The following OTOA variants were observed in gnomAD, a reference collection of about 807,000 sequenced individuals.
The protein encoded by OTOA is otoancorin.
OTOA carries 70 observed loss-of-function variants against 110.8 expected under a neutral mutation model. The observed-to-expected ratio is 0.63, with a 90% CI of 0.52 to 0.77. The LOEUF (loss-of-function observed/expected upper bound fraction) is 0.77, where lower values mean the gene tolerates loss of function less well. Ranked by LOEUF, OTOA falls within the 30% of genes least tolerant of loss-of-function variation. The pLI, the probability that OTOA is intolerant of heterozygous loss-of-function variation, is 0.00. For synonymous variants in OTOA, 373 were observed against 431.5 expected, an observed-to-expected ratio of 0.86 and a Z score of 1.68; for missense variants, 917 against 1,075.8, an observed-to-expected ratio of 0.85 and a Z score of 2.06.
intron 17 of OTOA, chr16:21,721,254 C>CACAT (rs1555500544): frequency 3.1e-5 from 14 of 448,536 alleles, no homozygotes; most frequent in South Asian, 1.4e-4. Flanking sequence ...CACACACACA[C>CACAT]ACACACACAC....
chr16:21,685,725 G>A (rs758709156), intron 7 of OTOA, among the ~76,000 whole-genome samples: 12 of 152,032 alleles, frequency 7.9e-5, no homozygotes, highest in Admixed American at 1.3e-4. Context: ...ACCATGCCTG[G>A]CTAATTTTTG....
chr16:21,696,755 G>A (rs749892236), intron 9 of OTOA, among the ~76,000 whole-genome samples: 6 of 151,790 alleles, frequency 4.0e-5, no homozygotes, highest in East Asian at 3.9e-4. Flanking sequence ...ACGGGATTTC[G>A]TGATTACAGG....
chr16:21,710,389 C>T (rs1898320773), intron 13 of OTOA, among the ~76,000 whole-genome samples: 1 of 152,108 alleles, frequency 6.6e-6, no homozygotes, highest in Non-Finnish European at 1.5e-5. Flanking sequence ...AAACTAATCC[C>T]ATTGGATCAG....
chr16:21,721,005 C>A (rs557642563), intron 17 of OTOA, among the ~76,000 whole-genome samples: 22 of 151,368 alleles, frequency 1.5e-4, no homozygotes, highest in African/African-American at 4.8e-4. Flanking sequence ...AACCTCCGCC[C>A]CTGGGTTCAA....
chr16:21,696,174 T>C (rs1411206710), intron 9 of OTOA, among the ~76,000 whole-genome samples: 1 of 151,884 alleles, frequency 6.6e-6, no homozygotes, highest in Non-Finnish European at 1.5e-5. Context: ...ATTACAGGCT[T>C]GAGCCACCGC....
chr16:21,697,808 T>A lies in OTOA; in HGVS notation c.773T>A (p.Leu258Ter). The A allele has an allele frequency of 1.9e-6, 3 of 1,614,114 alleles. No homozygotes were observed. The highest frequency in any genetic ancestry group is 2.5e-6 in the Non-Finnish European group (3 of 1,179,998). Reference protein sequence around the residue: ...DSASWVSAEHLWVLGRYMVHL... With the variant: ...DSASWVSAEH The stretch of plus-strand genomic sequence containing the variant: ...GCTTCATGGGTCAGTGCGGAACACT[T>A]ATGGGTTTTGGGCAGATACATGGTT... The change falls in exon 10 of 29, where the codon TTA becomes TAA. Residue 258 changes from leucine to a stop codon, truncating the protein, a stop_gained. Coordinates refer to ENST00000646100, the MANE Select transcript of OTOA (RefSeq NM_144672.4). LOFTEE classifies it high-confidence loss of function.
At chr16:21,733,483 T>C (rs1352273696) in intron 21 of OTOA, among the ~76,000 whole-genome samples, 16 of 152,188 alleles carry the variant, frequency 1.1e-4, no homozygotes, top group Admixed American at 2.0e-4. Context: ...AACTGCTGGC[T>C]TAGACTGTGA....
intron 17 of OTOA, among the ~76,000 whole-genome samples, chr16:21,720,394 C>A (rs1346799551): frequency 1.3e-5 from 2 of 152,142 alleles, no homozygotes; most frequent in Non-Finnish European, 2.9e-5. Context: ...TGTTTCAGAC[C>A]AGAATGAAGA....
intron 18 of OTOA, 76 bp from the exon 19 acceptor site, chr16:21,726,447 G>C: frequency 6.3e-7 from 1 of 1,580,240 alleles, no homozygotes; most frequent in Non-Finnish European, 8.7e-7. Context: ...GAGCTCTTGG[G>C]CAGGCGGACC....
chr16:21,691,212 T>C (rs61300301), intron 8 of OTOA, among the ~76,000 whole-genome samples: 1 of 152,246 alleles, frequency 6.6e-6, no homozygotes, highest in African/African-American at 2.4e-5. Flanking sequence ...ATCCAGTCCA[T>C]CATTGGAGGA....
chr16:21,680,138 T>G (rs1190211011), intron 5 of OTOA, among the ~76,000 whole-genome samples: 1 of 152,118 alleles, frequency 6.6e-6, no homozygotes, highest in Non-Finnish European at 1.5e-5. Flanking sequence ...AATGGGTACT[T>G]TTGGATATAT....
chr16:21,681,652 C>G (rs1438992217), intron 5 of OTOA, 86 bp from the exon 6 acceptor site: 1 of 1,134,328 alleles, frequency 8.8e-7, no homozygotes, highest in East Asian at 2.4e-5. Flanking sequence ...TCCATCCCTA[C>G]CTGTCCCCTG....
Position 21,705,110 on chromosome 16 carries a change from C to A in OTOA, c.981-59C>A. On this transcript the variant is annotated intron_variant, in intron 11 of 28. Coordinates refer to ENST00000646100, the MANE Select transcript of OTOA (RefSeq NM_144672.4). ...CACCATTTTATTACACAAAATTGAACCAGAATGGGCTGGTTCTGCGGTTAC... is the reference window on the plus strand; with the variant it reads ...CACCATTTTATTACACAAAATTGAAACAGAATGGGCTGGTTCTGCGGTTAC... 1.9e-6 allele frequency: 3 copies of A among 1,613,542 alleles called. No individual in the cohort carries two copies. In the South Asian group the frequency reaches 3.3e-5, roughly 18 times the overall value.
At chr16:21,679,280 C>G in intron 5 of OTOA, 69 bp downstream of exon 5, 1 of 1,520,510 alleles carries the variant, frequency 6.6e-7, no homozygotes, top group Non-Finnish European at 9.0e-7. Flanking sequence ...ATGGAAGTCT[C>G]TTAATTGTAA....
intron 1 of OTOA, among the ~76,000 whole-genome samples, chr16:21,667,055 A>G (rs1464879494): frequency 6.6e-6 from 1 of 152,184 alleles, no homozygotes; most frequent in African/African-American, 2.4e-5. Context: ...AAAAAGGGTC[A>G]AAGGTTCCCC....
intron 11 of OTOA, 35 bp downstream of exon 11, chr16:21,701,062 C>T: frequency 6.2e-7 from 1 of 1,613,770 alleles, no homozygotes; most frequent in Non-Finnish European, 8.5e-7. Context: ...GGAGCCCTTT[C>T]CCAAGATGTG....
At position 21,667,568 on chromosome 16, in the gene OTOA, C is replaced by A. The variant is rs145659638; in HGVS notation, c.-5+3336C>A. ...ACTTGGGAGGCTGAGGCATGGTAACCCCAGCGTGGGTAACAGAGAGAGACT... is the reference window on the plus strand; with the variant it reads ...ACTTGGGAGGCTGAGGCATGGTAACACCAGCGTGGGTAACAGAGAGAGACT... On this transcript the variant is annotated intron_variant, in intron 1 of 28. Coordinates refer to ENST00000646100, the MANE Select transcript of OTOA (RefSeq NM_144672.4). 5.3e-5 allele frequency among the ~76,000 whole-genome samples: 8 copies of A among 151,732 alleles called. 1 individual carries two copies. The East Asian group carries it at 1.5e-3, about 29-fold the overall frequency.
chr16:21,673,943 G>T (rs879424767), intron 1 of OTOA, among the ~76,000 whole-genome samples: 47 of 151,596 alleles, frequency 3.1e-4, no homozygotes, highest in African/African-American at 1.1e-3. Context: ...GACTACAGGC[G>T]CCCACCACCA....
At chr16:21,696,109 G>A (rs1897935604) in intron 9 of OTOA, among the ~76,000 whole-genome samples, 1 of 151,528 alleles carries the variant, frequency 6.6e-6, no homozygotes, top group Non-Finnish European at 1.5e-5. Context: ...TGACCAGTAT[G>A]CTCTCGATCT....
Sources: allele counts gnomAD v4.1 joint callset (sites outside exome capture counted in the v4.1 genomes callset), GRCh38; gene constraint gnomAD v4.1.1; transcripts MANE v1.5; gene names NCBI Gene and HGNC (gene_info 2026-07-23, HGNC 2026-07-21).